OGG1: variants seen among roughly 807,000 people sequenced by gnomAD.
OGG1 encodes N-glycosylase/DNA lyase.
In OGG1, 35 loss-of-function variants were observed where a neutral mutation model predicts 42.3. The observed-to-expected ratio is 0.83, with a 90% CI of 0.63 to 1.10. OGG1 has a LOEUF of 1.10. OGG1 is among the 50% of genes least tolerant of loss of function. The pLI, the probability that OGG1 is intolerant of heterozygous loss-of-function variation, is 0.00. For synonymous variants in OGG1, 189 were observed against 179.0 expected, an observed-to-expected ratio of 1.06 and a Z score of -0.44; for missense variants, 484 against 446.7, an observed-to-expected ratio of 1.08 and a Z score of -0.75.
chr3:9,759,821 C>G (rs759511692), downstream of OGG1: 2 of 1,612,932 alleles, frequency 1.2e-6, no homozygotes, highest in Non-Finnish European at 1.7e-6. Context: ...AGAGCATACC[C>G]ACTCCCTCAG....
downstream of OGG1, chr3:9,760,256 A>AG (rs2077788458): frequency 1.1e-5 from 2 of 185,608 alleles, no homozygotes; most frequent in Non-Finnish European, 2.3e-5. Flanking sequence ...AAAGAAAGAA[A>AG]AAAAAAAAAA....
At chr3:9,787,595 A>C in intron 3 of OGG1, 3 of 1,088,124 alleles carry the variant, frequency 2.8e-6, no homozygotes, top group Non-Finnish European at 3.8e-6. Flanking sequence ...GAAGGTGCAG[A>C]ATACGTACAC....
At chr3:9,759,303 G>A, downstream of OGG1, 1 of 1,587,800 alleles carries the variant, frequency 6.3e-7, no homozygotes, top group Non-Finnish European at 8.7e-7. Context: ...GACCCTCTCT[G>A]GAATAGAGAA....
At chr3:9,773,859 A>T (rs2078333005) in intron 2 of OGG1, among the ~76,000 whole-genome samples, 1 of 151,446 alleles carries the variant, frequency 6.6e-6, no homozygotes, top group African/African-American at 2.4e-5. Flanking sequence ...TACCTGGCTA[A>T]TTTTTTTTAG....
intron 5 of OGG1, 61 bp from the exon 6 acceptor site, chr3:9,756,706 T>G: frequency 6.2e-7 from 1 of 1,612,858 alleles, no homozygotes; most frequent in African/African-American, 1.3e-5. Flanking sequence ...CCTCAGACCC[T>G]ACTTCTGTTG....
downstream of OGG1, chr3:9,760,715 T>C: frequency 3.7e-6 from 6 of 1,614,088 alleles, no homozygotes; most frequent in Non-Finnish European, 5.1e-6. Flanking sequence ...CTTCAAAATC[T>C]GTTCAAAGAG....
chr3:9,760,987 C>T, downstream of OGG1: 1 of 584,644 alleles, frequency 1.7e-6, no homozygotes, highest in Non-Finnish European at 2.9e-6. Flanking sequence ...TTTGCACTTG[C>T]CATTGCTTCT....
At chr3:9,763,469 C>G (rs906062733) in intron 7 of OGG1, among the ~76,000 whole-genome samples, 2 of 151,758 alleles carry the variant, frequency 1.3e-5, no homozygotes, top group African/African-American at 4.8e-5. Flanking sequence ...AACCCCCGAC[C>G]ACTGCCTACA....
downstream of OGG1, chr3:9,759,231 T>C (rs1271947578): frequency 6.8e-6 from 11 of 1,614,196 alleles, no homozygotes; most frequent in Non-Finnish European, 9.3e-6. Flanking sequence ...TCGGACCCCA[T>C]AGGCTGGATC....
chr3:9,773,409 C>T lies in OGG1; in HGVS notation c.295-8104C>T, dbSNP rs539667681. On this transcript the variant is annotated intron_variant, in intron 2 of 3. Transcript: ENST00000426518. The stretch of plus-strand genomic sequence containing the variant: ...ACAAAAAATTAGCCAGGCGTGGTGG[C>T]GGGCGCCTGTAGTCCCAGCTAATCA... Among the ~76,000 whole-genome samples the T allele has an allele frequency of 2.1e-3, 314 of 152,030 alleles. 3 individuals are homozygous for T. The highest frequency in any genetic ancestry group is 0.011 in the Admixed American group (161 of 15,280).
chr3:9,760,676 C>T (rs1374274683), downstream of OGG1: 1 of 1,614,014 alleles, frequency 6.2e-7, no homozygotes, highest in Non-Finnish European at 8.5e-7. Flanking sequence ...GATGTCGTCC[C>T]AGTAAGGAGA....
In OGG1 at chr3:9,751,028, A is replaced by G; in HGVS notation, c.221A>G (p.His74Arg). 1 of 1,613,918 alleles carries G rather than the reference A, an allele frequency of 6.2e-7. No individual in the cohort carries two copies. Among genetic ancestry groups the G allele is most frequent in the East Asian group, 2.2e-5 (1 of 44,882 alleles). ...CTGACTCAGACTGAGGAGCAGCTCC[A>G]CTGCACTGTGTACCGAGGAGACAAG... ...WTLTQTEEQL[H>R]CTVYRGDKSQ... Residue 74 changes from histidine to arginine, a missense_variant, in exon 2 of 7, where the codon CAC becomes CGC. Coordinates refer to ENST00000344629, the MANE Select transcript of OGG1 (RefSeq NM_002542.6).
chr3:9,760,181 T>A (rs1343563900), downstream of OGG1: 1 of 194,890 alleles, frequency 5.1e-6, no homozygotes, highest in Non-Finnish European at 1.1e-5. Flanking sequence ...AGACAGAGGT[T>A]GCAGTGAGCC....
At chr3:9,780,620 C>G in intron 2 of OGG1, 2 of 1,472,650 alleles carry the variant, frequency 1.4e-6, no homozygotes, top group Non-Finnish European at 9.1e-7. Context: ...TCTTCAAGAC[C>G]GAGCCTACCC....
At chr3:9,779,442 A>T (rs748673041) in intron 2 of OGG1, among the ~76,000 whole-genome samples, 1 of 151,798 alleles carries the variant, frequency 6.6e-6, no homozygotes, top group Non-Finnish European at 1.5e-5. Flanking sequence ...ACAGCCAGAG[A>T]AGGACTCACC....
At chr3:9,773,538 G>A (rs552905467) in intron 2 of OGG1, among the ~76,000 whole-genome samples, 2 of 151,692 alleles carry the variant, frequency 1.3e-5, no homozygotes, top group South Asian at 2.1e-4. Flanking sequence ...GCGAGACTCC[G>A]TCTCAAAAAT....
intron 3 of OGG1, chr3:9,787,158 C>T (rs2125623835): frequency 1.9e-6 from 3 of 1,614,170 alleles, no homozygotes; most frequent in Non-Finnish European, 2.5e-6. Context: ...TTCTGGAATT[C>T]AAGTCCTGAC....
intron 3 of OGG1, chr3:9,787,651 C>A (rs73113563): frequency 2.2e-6 from 3 of 1,384,640 alleles, no homozygotes; most frequent in East Asian, 3.6e-5. Flanking sequence ...GAATTAGGAG[C>A]CTTCAGGTCA....
chr3:9,781,833 C>CTTTTT (rs35246642), intron 3 of OGG1, among the ~76,000 whole-genome samples: 44 of 86,872 alleles, frequency 5.1e-4, no homozygotes, highest in African/African-American at 1.8e-3. Context: ...CCCATTACTT[C>CTTTTT]TTTTTTTTTT....
Sources: gnomAD v4.1 joint callset for allele counts (sites outside exome capture counted in the v4.1 genomes callset) on GRCh38, gnomAD v4.1.1 for gene constraint, MANE v1.5 for transcripts, NCBI Gene and HGNC (gene_info 2026-07-23, HGNC 2026-07-21) for gene names.